Variants in PPM1H observed in about 807,000 individuals in gnomAD.
PPM1H encodes the protein protein phosphatase 1H.
PPM1H carries 27 observed loss-of-function variants against 54.9 expected under a neutral mutation model. The ratio of observed to expected loss-of-function variants is 0.49; its 90% CI spans 0.36 to 0.68. The LOEUF is 0.68. Among genes scored for constraint, PPM1H ranks in the 30% least tolerant of loss-of-function variants. The probability of loss-of-function intolerance (pLI) is 0.00; values close to 1 mark genes in which losing one functional copy is unlikely to be tolerated. For synonymous variants in PPM1H, 305 were observed against 270.8 expected, an observed-to-expected ratio of 1.13 and a Z score of -1.24; for missense variants, 596 against 667.8, an observed-to-expected ratio of 0.89 and a Z score of 1.19.
At chr12:62,914,322 C>G (rs1218703014) in intron 1 of PPM1H, among the ~76,000 whole-genome samples, 1 of 152,160 alleles carries the variant, frequency 6.6e-6, no homozygotes, top group African/African-American at 2.4e-5. Context: ...CGCCAGATGC[C>G]CAATCTTCCA....
intron 1 of PPM1H, among the ~76,000 whole-genome samples, chr12:62,909,977 T>C (rs1157072559): frequency 6.6e-6 from 1 of 152,188 alleles, no homozygotes; most frequent in Non-Finnish European, 1.5e-5. Context: ...TTAATAACAT[T>C]AATTGCAGAG....
chr12:62,881,062 T>C (rs1269198231), intron 1 of PPM1H, among the ~76,000 whole-genome samples: 2 of 152,174 alleles, frequency 1.3e-5, no homozygotes, highest in Non-Finnish European at 2.9e-5. Context: ...TGATCTAACA[T>C]AAGAAGGCAC....
Position 62,814,879 on chromosome 12 carries a change from A to G in PPM1H, c.412-12719T>C, listed in dbSNP as rs1237150829. On this transcript the variant is annotated intron_variant, in intron 2 of 9. Coordinates refer to ENST00000228705, the MANE Select transcript of PPM1H (RefSeq NM_020700.2). ...AGTTGCCATATTTTTCTGTTTCCCC[A>G]CTATATATGTGATTATATGGTTTGA... Among the ~76,000 whole-genome samples, 3 of 152,354 alleles carry G rather than the reference A, an allele frequency of 2.0e-5. No individual in the cohort carries two copies. In the East Asian group the frequency reaches 5.8e-4, roughly 29 times the overall value.
intron 4 of PPM1H, among the ~76,000 whole-genome samples, chr12:62,785,133 T>C (rs759363282): frequency 2.0e-5 from 3 of 152,250 alleles, no homozygotes; most frequent in Non-Finnish European, 4.4e-5. Flanking sequence ...AGGATAAAAG[T>C]ATCTGTTAGG....
chr12:62,785,204 C>G (rs997222395), intron 4 of PPM1H, among the ~76,000 whole-genome samples: 1 of 151,546 alleles, frequency 6.6e-6, no homozygotes, highest in African/African-American at 2.4e-5. Context: ...GGAGACGGAG[C>G]CTTGCTGTGT....
chr12:62,648,941 T>C (rs1052442754), intron 9 of PPM1H, among the ~76,000 whole-genome samples: 4 of 152,208 alleles, frequency 2.6e-5, no homozygotes, highest in Non-Finnish European at 5.9e-5. Context: ...TTGCTGCTAG[T>C]ATAGCTCAAA....
At chr12:62,896,973 C>T (rs1871011371) in intron 1 of PPM1H, among the ~76,000 whole-genome samples, 1 of 151,628 alleles carries the variant, frequency 6.6e-6, no homozygotes, top group African/African-American at 2.4e-5. Flanking sequence ...AGCTGGAAAC[C>T]ATCATTTTGA....
chr12:62,729,749 T>C (rs1232670751), intron 5 of PPM1H, among the ~76,000 whole-genome samples: 2 of 152,226 alleles, frequency 1.3e-5, no homozygotes, highest in Non-Finnish European at 2.9e-5. Flanking sequence ...GTATTAAGTC[T>C]GCGAAATTCA....
rs574805691 is a variant in PPM1H, at chr12:62,870,973, A to G, written c.246-38694T>C. Among the ~76,000 whole-genome samples, 233 of 152,342 alleles carry G rather than the reference A, an allele frequency of 1.5e-3. 1 individual carries two copies. Among genetic ancestry groups the G allele is most frequent in the African/African-American group, 5.3e-3 (222 of 41,580 alleles). ...TTATCACTGGTGGTGGGAAGGTAAA[A>G]TGGTGCAGCCACTTTGGAAAACAGT... On this transcript the variant is annotated intron_variant, in intron 1 of 9. Transcript: ENST00000228705.
chr12:62,782,415 G>T (rs890979744), intron 4 of PPM1H, among the ~76,000 whole-genome samples: 1 of 152,186 alleles, frequency 6.6e-6, no homozygotes. Flanking sequence ...CTCAGGAACA[G>T]TCAGACTTGT....
At chr12:62,840,145 A>ACCTT (rs1308612400) in intron 1 of PPM1H, 1 of 152,112 alleles carries the variant, frequency 6.6e-6, no homozygotes, top group Non-Finnish European at 1.5e-5. Context: ...TAAATTTCTC[A>ACCTT]CAGTTTTGAA....
intron 2 of PPM1H, among the ~76,000 whole-genome samples, chr12:62,824,502 A>G (rs538237470): frequency 3.9e-4 from 59 of 152,344 alleles, no homozygotes; most frequent in Middle Eastern, 3.4e-3. Context: ...TTCAAACTAT[A>G]CTACAAGGCT....
rs534700873 is a variant in PPM1H at position 62,813,325 on chromosome 12, C to T, written c.412-11165G>A. On this transcript the variant is annotated intron_variant, in intron 2 of 9. Transcript: ENST00000228705. ...TCCCCTGAGACGAGTGCTCTCCACA[C>T]GAAGCACATGAATGTGAGGGGGAAT... is the stretch of plus-strand genomic sequence containing the variant. 1.3e-4 allele frequency among the ~76,000 whole-genome samples: 20 copies of T among 152,052 alleles called. No homozygotes were observed. The South Asian group carries it at 4.0e-3, about 30-fold the overall frequency.
At chr12:62,780,302 TTTTC>T (rs1458662179) in intron 4 of PPM1H, among the ~76,000 whole-genome samples, 1 of 152,090 alleles carries the variant, frequency 6.6e-6, no homozygotes, top group African/African-American at 2.4e-5. Flanking sequence ...ATCCTGCTAG[TTTTC>T]TTTCTTTTTT....
At chr12:62,905,796 A>C (rs1483251477) in intron 1 of PPM1H, among the ~76,000 whole-genome samples, 1 of 152,184 alleles carries the variant, frequency 6.6e-6, no homozygotes, top group Non-Finnish European at 1.5e-5. Context: ...TTCATCCCTC[A>C]TATCCTAGGA....
intron 2 of PPM1H, among the ~76,000 whole-genome samples, chr12:62,826,770 TC>T (rs1280666998): frequency 2.0e-5 from 3 of 152,240 alleles, no homozygotes; most frequent in African/African-American, 7.2e-5. Flanking sequence ...GCATATGTAT[TC>T]CAGAGGGACT....
intron 3 of PPM1H, among the ~76,000 whole-genome samples, chr12:62,790,396 T>A (rs2076695712): frequency 6.6e-6 from 1 of 152,028 alleles, no homozygotes; most frequent in Non-Finnish European, 1.5e-5. Context: ...GGCAACATAG[T>A]GATACCCCCA....
intron 9 of PPM1H, among the ~76,000 whole-genome samples, chr12:62,666,763 G>C (rs749800126): frequency 1.1e-4 from 17 of 152,088 alleles, no homozygotes; most frequent in Non-Finnish European, 2.2e-4. Context: ...ACCCAGGCTA[G>C]AGTGCAGTGG....
intron 4 of PPM1H, among the ~76,000 whole-genome samples, chr12:62,778,948 A>C (rs1248469003): frequency 6.6e-6 from 1 of 152,046 alleles, no homozygotes; most frequent in African/African-American, 2.4e-5. Flanking sequence ...AGGAAAAAGG[A>C]AAGAAAAGAA....
Sources: allele counts gnomAD v4.1 joint callset (sites outside exome capture counted in the v4.1 genomes callset), GRCh38; gene constraint gnomAD v4.1.1; transcripts MANE v1.5; gene names NCBI Gene and HGNC (gene_info 2026-07-23, HGNC 2026-07-21).